Variants in ZNF787 observed in about 807,000 individuals in gnomAD.
The protein encoded by ZNF787 is TTF-I-interacting peptide 20.
In ZNF787, 7 loss-of-function variants were observed where a neutral mutation model predicts 16.9. The ratio of observed to expected loss-of-function variants is 0.42; its 90% CI spans 0.24 to 0.78. ZNF787 has a LOEUF of 0.78. Among genes scored for constraint, ZNF787 ranks in the 30% least tolerant of loss-of-function variants. The pLI is 0.30. For synonymous variants in ZNF787, 345 were observed against 270.9 expected, an observed-to-expected ratio of 1.27 and a Z score of -2.69; for missense variants, 551 against 589.3, an observed-to-expected ratio of 0.94 and a Z score of 0.67.
intron 2 of ZNF787, among the ~76,000 whole-genome samples, chr19:56,093,679 G>C (rs979948198): frequency 2.0e-5 from 3 of 152,174 alleles, no homozygotes; most frequent in Non-Finnish European, 4.4e-5. Flanking sequence ...TAGCCTGTCT[G>C]TACCCTTCCC....
At chr19:56,108,220 AGCCCCTGCCCAGTGCTCCCTCCACCTC>A (rs1231458818) in intron 1 of ZNF787, among the ~76,000 whole-genome samples, 13 of 150,172 alleles carry the variant, frequency 8.7e-5, no homozygotes, top group East Asian at 2.0e-4. Flanking sequence ...CTCTCCACCC[AGCCCCTGCCCAGTGCTCCCTCCACCTC>A]GCCCCTGCCC....
chr19:56,119,425 G>C (rs1308003249), intron 1 of ZNF787, among the ~76,000 whole-genome samples: 1 of 152,236 alleles, frequency 6.6e-6, no homozygotes, highest in Non-Finnish European at 1.5e-5. Flanking sequence ...GCCCAGGAAA[G>C]GGCCTGGCTC....
In ZNF787 at chr19:56,087,572, A is replaced by C. The variant is rs1297927275; in HGVS notation, c.*451T>G. The C allele has an allele frequency of 1.3e-5, 2 of 152,746 alleles. No homozygotes were observed. The highest frequency in any genetic ancestry group is 2.9e-5 in the Non-Finnish European group (2 of 68,794). 9.5% of individuals were successfully genotyped at this position (152,746 alleles called of 1,614,324 possible). Reference sequence around the variant, plus strand: ...GGGCGGGGAGTCAAAAGGTGGGCTGATTAAAAGAAAATTCTAAAAGAGAAA... The same window carrying C: ...GGGCGGGGAGTCAAAAGGTGGGCTGCTTAAAAGAAAATTCTAAAAGAGAAA... On this transcript the variant is annotated 3_prime_UTR_variant, in exon 3 of 3. Coordinates refer to ENST00000610935, the MANE Select transcript of ZNF787 (RefSeq NM_001002836.4).
intron 2 of ZNF787, among the ~76,000 whole-genome samples, chr19:56,097,950 G>A (rs890905653): frequency 2.7e-5 from 4 of 149,716 alleles, no homozygotes; most frequent in African/African-American, 1.0e-4. Flanking sequence ...GAGGCATGGA[G>A]ACTTTTGTTC....
chr19:56,096,115 C>T (rs758307930), intron 2 of ZNF787, among the ~76,000 whole-genome samples: 3 of 151,990 alleles, frequency 2.0e-5, no homozygotes, highest in Non-Finnish European at 2.9e-5. Context: ...GTCATCTGGC[C>T]GGGCACGGTG....
intron 2 of ZNF787, among the ~76,000 whole-genome samples, chr19:56,098,794 G>A (rs1242669573): frequency 3.9e-5 from 5 of 129,622 alleles, no homozygotes; most frequent in Admixed American, 7.5e-5. Flanking sequence ...GGGTGATTAC[G>A]GCCGCAGGGT....
At position 56,102,723 on chromosome 19, in the gene ZNF787, G is replaced by A. The variant is rs989090385; in HGVS notation, c.79+416C>T. 3 of 573,406 alleles carry A rather than the reference G, an allele frequency of 5.2e-6. No homozygotes were observed. The African/African-American group carries it at 5.6e-5, about 11-fold the overall frequency. The allele number at this position is 573,406 out of a possible 1,614,324, so 35.5% of individuals were successfully genotyped here. A position where few individuals can be genotyped will look rare whatever the true frequency, so the allele number is the denominator to read the frequency against. ...AGCCTGCGGGTTCCCTGCGCTCCTGGGCCACCCCTGGTGTAAGGAGTTTCC... is the reference window on the plus strand; with the variant it reads ...AGCCTGCGGGTTCCCTGCGCTCCTGAGCCACCCCTGGTGTAAGGAGTTTCC... On this transcript the variant is annotated intron_variant, in intron 2 of 2. Transcript: ENST00000610935.
At chr19:56,107,886 T>A (rs1490696816) in intron 1 of ZNF787, among the ~76,000 whole-genome samples, 1 of 148,752 alleles carries the variant, frequency 6.7e-6, no homozygotes, top group Non-Finnish European at 1.5e-5. Context: ...AAGAGAGAGC[T>A]TGAAGGCCGG....
At chr19:56,106,491 C>G (rs1359045325) in intron 1 of ZNF787, among the ~76,000 whole-genome samples, 1 of 152,262 alleles carries the variant, frequency 6.6e-6, no homozygotes, top group Non-Finnish European at 1.5e-5. Context: ...GTCTTCAATT[C>G]TGTGTCTTAT....
chr19:56,100,595 G>A (rs1407160566), intron 2 of ZNF787, among the ~76,000 whole-genome samples: 1 of 152,160 alleles, frequency 6.6e-6, no homozygotes, highest in Non-Finnish European at 1.5e-5. Flanking sequence ...TCAGCAATAG[G>A]CTAGAGGAAA....
At chr19:56,109,562 A>C (rs1188104480) in intron 1 of ZNF787, among the ~76,000 whole-genome samples, 1 of 152,208 alleles carries the variant, frequency 6.6e-6, no homozygotes, top group Admixed American at 6.5e-5. Flanking sequence ...CTGCTTCAGG[A>C]GGCCTTCACT....
intron 2 of ZNF787, among the ~76,000 whole-genome samples, chr19:56,098,877 C>A (rs1046533734): frequency 3.4e-5 from 5 of 149,018 alleles, no homozygotes; most frequent in Admixed American, 6.6e-5. Context: ...GTGATACGGC[C>A]GCAGGGTGAT....
At position 56,102,899 on chromosome 19, in the gene ZNF787, G is replaced by A. The variant is rs913493485; in HGVS notation, c.79+240C>T. 8.5e-6 allele frequency: 6 copies of A among 703,574 alleles called. No homozygotes were observed. In the African/African-American group the frequency reaches 1.0e-4, roughly 12 times the overall value. The allele number at this position is 703,574 out of a possible 1,614,324, so 43.6% of individuals were successfully genotyped here. Reference sequence around the variant, plus strand: ...GGACAGAGGAAGTCAGGCAGAGAAGGTGGCCCCCAGGGGTCCCCAAGATCA... The same window carrying A: ...GGACAGAGGAAGTCAGGCAGAGAAGATGGCCCCCAGGGGTCCCCAAGATCA... On this transcript the variant is annotated intron_variant, in intron 2 of 2. Coordinates refer to ENST00000610935, the MANE Select transcript of ZNF787 (RefSeq NM_001002836.4).
At chr19:56,089,581 C>T (rs1212252244) in intron 2 of ZNF787, among the ~76,000 whole-genome samples, 1 of 152,106 alleles carries the variant, frequency 6.6e-6, no homozygotes, top group East Asian at 1.9e-4. Flanking sequence ...AAGACGTGCC[C>T]GCCAGGGAGC....
chr19:56,094,187 C>CTTTTTTT (rs572443571), intron 2 of ZNF787, among the ~76,000 whole-genome samples: 27 of 105,426 alleles, frequency 2.6e-4, no homozygotes, highest in African/African-American at 4.7e-4. Flanking sequence ...TCATGCCCGG[C>CTTTTTTT]TTTTTTTTTT....
At chr19:56,091,757 G>A (rs1985584330) in intron 2 of ZNF787, among the ~76,000 whole-genome samples, 1 of 152,206 alleles carries the variant, frequency 6.6e-6, no homozygotes, top group Non-Finnish European at 1.5e-5. Context: ...TTTACATCTT[G>A]CAGATTCCTG....
intron 1 of ZNF787, among the ~76,000 whole-genome samples, chr19:56,110,600 C>T (rs1234263482): frequency 1.3e-5 from 2 of 151,910 alleles, no homozygotes; most frequent in Non-Finnish European, 2.9e-5. Flanking sequence ...GGCTGCTCCT[C>T]ACCTCCTCTT....
intron 1 of ZNF787, among the ~76,000 whole-genome samples, chr19:56,116,297 C>A (rs2030136094): frequency 6.6e-6 from 1 of 152,118 alleles, no homozygotes; most frequent in East Asian, 1.9e-4. Flanking sequence ...AAAAAATTAG[C>A]CAGGCATGGT....
At chr19:56,103,042 A>G in intron 2 of ZNF787, 97 bp downstream of exon 2, 1 of 1,418,954 alleles carries the variant, frequency 7.0e-7, no homozygotes, top group Non-Finnish European at 9.9e-7. Flanking sequence ...CAAGAGGGGA[A>G]AACAGGGAAG....
Sources: allele counts gnomAD v4.1 joint callset (sites outside exome capture counted in the v4.1 genomes callset), GRCh38; gene constraint gnomAD v4.1.1; transcripts MANE v1.5; gene names NCBI Gene and HGNC (gene_info 2026-07-23, HGNC 2026-07-21).